The following IFI16 variants were observed in gnomAD, a reference collection of about 807,000 sequenced individuals.
IFI16 encodes the protein interferon gamma inducible protein 16.
In IFI16, 49 loss-of-function variants were observed where a neutral mutation model predicts 68.4. That is an observed-to-expected ratio of 0.72 (90% CI 0.57 to 0.91). The LOEUF is 0.91. Ranked by LOEUF, IFI16 falls within the 40% of genes least tolerant of loss-of-function variation. The pLI is 0.00. For synonymous variants in IFI16, 307 were observed against 315.0 expected (o/e 0.97, Z 0.27); for missense variants, 878 against 942.9 (o/e 0.93, Z 0.90).
chr1:159,025,052 G>A (rs951347582), intron 6 of IFI16, among the ~76,000 whole-genome samples: 2 of 151,924 alleles, frequency 1.3e-5, no homozygotes, highest in African/African-American at 4.8e-5. Flanking sequence ...GCTGGTGCTG[G>A]TGTACTGGAA....
intron 7 of IFI16, among the ~76,000 whole-genome samples, chr1:159,037,527 TA>T (rs1169876787): frequency 6.6e-6 from 1 of 152,200 alleles, no homozygotes; most frequent in Non-Finnish European, 1.5e-5. Context: ...ATAGATCATA[TA>T]ATGCCTGAAT....
At chr1:159,049,870 A>G (rs1445472583) in intron 9 of IFI16, among the ~76,000 whole-genome samples, 1 of 151,688 alleles carries the variant, frequency 6.6e-6, no homozygotes, top group African/African-American at 2.4e-5. Flanking sequence ...TCAATACATC[A>G]TGAAAATCAT....
At chr1:159,007,740 T>C (rs76457961), upstream of IFI16, among the ~76,000 whole-genome samples, 2,174 of 152,216 alleles carry the variant, frequency 0.014, 53 homozygotes, top group African/African-American at 0.05. Flanking sequence ...GTGAGGACCC[T>C]GCATAAATAT....
chr1:159,005,465 C>T (rs1456498374), upstream of IFI16, among the ~76,000 whole-genome samples: 1 of 152,200 alleles, frequency 6.6e-6, no homozygotes, highest in Non-Finnish European at 1.5e-5. Flanking sequence ...ATTCACTCTC[C>T]TCTCCTGCCT....
chr1:159,004,623 T>C (rs1652185124), upstream of IFI16, among the ~76,000 whole-genome samples: 1 of 152,078 alleles, frequency 6.6e-6, no homozygotes, highest in African/African-American at 2.4e-5. Context: ...GAGAATCACT[T>C]GAACCTGGGA....
intron 1 of IFI16, among the ~76,000 whole-genome samples, 175 bp downstream of exon 1, chr1:159,010,336 A>G (rs1352732860): frequency 1.3e-5 from 2 of 152,208 alleles, no homozygotes; most frequent in African/African-American, 4.8e-5. Flanking sequence ...TTTACTTAGG[A>G]AGATAACAGG....
At chr1:159,032,840 C>T (rs1654091380) in intron 7 of IFI16, 149 bp downstream of exon 7, 1 of 640,638 alleles carries the variant, frequency 1.6e-6, no homozygotes, top group African/African-American at 1.9e-5. Context: ...TTATTGAATT[C>T]ATACAGTGAG....
intron 8 of IFI16, among the ~76,000 whole-genome samples, chr1:159,046,359 A>T (rs898232485): frequency 6.6e-6 from 1 of 151,246 alleles, no homozygotes; most frequent in South Asian, 2.1e-4. Flanking sequence ...AATGTTATGG[A>T]AAATTGGCCA....
At chr1:159,033,709 TAGG>T (rs1490496247) in intron 7 of IFI16, among the ~76,000 whole-genome samples, 1 of 152,198 alleles carries the variant, frequency 6.6e-6, no homozygotes, top group African/African-American at 2.4e-5. Flanking sequence ...GGCTTTAGAT[TAGG>T]AGTTTATATA....
In IFI16 at chr1:159,015,993, C is replaced by G. The variant is rs1372082772; in HGVS notation, c.381+6C>G. The G allele has an allele frequency of 6.3e-7, 1 of 1,598,490 alleles. No individual in the cohort carries two copies. The highest frequency in any genetic ancestry group is 1.3e-5 in the African/African-American group (1 of 74,626). The stretch of plus-strand genomic sequence containing the variant: ...AGGCAACTCCTGGAGCTCAGGTAAG[C>G]TTCAGGAAGAGGAGCAGGCTTCAAG... On this transcript the variant is annotated splice_donor_region_variant and intron_variant, in intron 3 of 11. Coordinates refer to ENST00000295809, the MANE Select transcript of IFI16 (RefSeq NM_001376587.1).
chr1:159,032,659 C>A lies in IFI16; in HGVS notation c.1297C>A (p.Pro433Thr). ...CCATCTTCGGACTCCTCAGATGCCA[C>A]CAACAACTCCATCCAGCAGTTTCTT... ...ESHLRTPQMPPTTPSSSFFTK... is the reference protein window; with the variant it reads ...ESHLRTPQMPTTTPSSSFFTK... Residue 433 changes from proline to threonine, a missense_variant, in exon 7 of 12, where the codon CCA becomes ACA. Around this residue, in one of 4 missense-constraint regions of IFI16, gnomAD observed 443 missense variants for 421.8 expected, o/e 1.05. Coordinates refer to ENST00000295809, the MANE Select transcript of IFI16 (RefSeq NM_001376587.1). The A allele has an allele frequency of 6.2e-7, 1 of 1,603,758 alleles. No homozygotes were observed. Among genetic ancestry groups the A allele is most frequent in the Admixed American group, 1.7e-5 (1 of 57,160 alleles).
At chr1:159,024,765 GTTATAT>G (rs1266367346) in intron 6 of IFI16, among the ~76,000 whole-genome samples, 3 of 152,146 alleles carry the variant, frequency 2.0e-5, no homozygotes, top group Non-Finnish European at 4.4e-5. Flanking sequence ...GTTAGACTTA[GTTATAT>G]TTATAACAAA....
intron 6 of IFI16, among the ~76,000 whole-genome samples, chr1:159,024,805 AT>A (rs1557869213): frequency 2.6e-5 from 4 of 152,260 alleles, no homozygotes; most frequent in African/African-American, 7.2e-5. Flanking sequence ...AAAGAAAAAA[AT>A]ATATAAAAGA....
At chr1:159,016,755 C>G in intron 4 of IFI16, 55 bp downstream of exon 4, 1 of 1,461,046 alleles carries the variant, frequency 6.8e-7, no homozygotes, top group Non-Finnish European at 9.4e-7. Context: ...AAGTAAAGGA[C>G]TGATTTCACC....
At chr1:159,017,511 A>T (rs765925888) in intron 4 of IFI16, among the ~76,000 whole-genome samples, 1 of 151,082 alleles carries the variant, frequency 6.6e-6, no homozygotes, top group Non-Finnish European at 1.5e-5. Context: ...TTTAAATGTC[A>T]TTTAACTTTG....
chr1:159,051,861 T>C lies in IFI16; in HGVS notation c.1848T>C (p.Phe616=). 1 of 1,614,112 alleles carries C rather than the reference T, an allele frequency of 6.2e-7. No individual in the cohort carries two copies. Among genetic ancestry groups the C allele is most frequent in the Non-Finnish European group, 8.5e-7 (1 of 1,179,956 alleles). The change falls in exon 10 of 12, where the codon TTT becomes TTC. Residue 616 remains phenylalanine (F), a synonymous_variant. Transcript: ENST00000295809. ...ATGAAGTCTTCCGAGTGAAGGTTTT[T>C]AATATTGACCTAAAGGAGAAGTTCA... ...TENEVFRVKV[F]NIDLKEKFTP... is the part of the protein sequence containing the mutation.
intron 7 of IFI16, among the ~76,000 whole-genome samples, chr1:159,034,183 A>G (rs1244813091): frequency 6.6e-6 from 1 of 152,242 alleles, no homozygotes; most frequent in African/African-American, 2.4e-5. Context: ...CAAAGTGATG[A>G]TCAAAACATC....
chr1:159,035,858 C>T (rs1057353634), intron 7 of IFI16, among the ~76,000 whole-genome samples: 4 of 151,682 alleles, frequency 2.6e-5, no homozygotes, highest in African/African-American at 7.3e-5. Context: ...AAAAAAATTA[C>T]ATAGTGATTT....
At chr1:159,052,317 T>C in intron 10 of IFI16, 1 of 544,372 alleles carries the variant, frequency 1.8e-6, no homozygotes. Context: ...GCAAGTTATT[T>C]AGACAGTCAC....
Sources: allele counts gnomAD v4.1 joint callset (sites outside exome capture counted in the v4.1 genomes callset), GRCh38; gene constraint gnomAD v4.1.1; regional missense constraint gnomAD v4.1.1; transcripts MANE v1.5; gene names NCBI Gene and HGNC (gene_info 2026-07-23, HGNC 2026-07-21).